ZNF536: variants seen among roughly 807,000 people sequenced by gnomAD.
ZNF536 encodes zinc finger protein 536.
In ZNF536, 13 loss-of-function variants were observed where a neutral mutation model predicts 84.5. The ratio of observed to expected loss-of-function variants is 0.15; its 90% CI spans 0.10 to 0.24. The LOEUF (loss-of-function observed/expected upper bound fraction) is 0.24, where lower values mean the gene tolerates loss of function less well. Ranked by LOEUF, ZNF536 falls within the 10% of genes least tolerant of loss-of-function variation. The probability of loss-of-function intolerance (pLI) is 1.00; values close to 1 mark genes in which losing one functional copy is unlikely to be tolerated. For missense variants in ZNF536, 1,536 were observed against 1,747.5 expected, an observed-to-expected ratio of 0.88 and a Z score of 2.16; for synonymous variants, 811 against 742.5, an observed-to-expected ratio of 1.09 and a Z score of -1.50.
chr19:30,662,522 A>G (rs916622613), intron 1 of ZNF536, among the ~76,000 whole-genome samples: 3 of 151,988 alleles, frequency 2.0e-5, no homozygotes, highest in African/African-American at 7.3e-5. Context: ...TGTGGACTGC[A>G]GTCTCTCCCG....
At chr19:30,254,947 T>A (rs1266979732) in intron 1 of ZNF536, among the ~76,000 whole-genome samples, 2 of 152,036 alleles carry the variant, frequency 1.3e-5, no homozygotes, top group African/African-American at 4.8e-5. Context: ...TACCTTGGAG[T>A]GGTTAGTGTT....
chr19:30,704,716 C>T (rs2052150651), intron 1 of ZNF536, among the ~76,000 whole-genome samples: 1 of 151,814 alleles, frequency 6.6e-6, no homozygotes, highest in East Asian at 1.9e-4. Flanking sequence ...GCCTTGTCAC[C>T]TCTGGGACTG....
rs183737549 is a variant in ZNF536 at position 30,690,739 on chromosome 19, G to A, written c.170-20018G>A. 1.8e-3 allele frequency among the ~76,000 whole-genome samples: 267 copies of A among 152,118 alleles called. 2 individuals carry two copies. The highest frequency in any genetic ancestry group is 6.1e-3 in the African/African-American group (252 of 41,504). ...ACTGTCTTTGCACCTCAGTTTTCCC[G>A]TCTGTAAAATGGAAGGATCGTAGTA... On this transcript the variant is annotated intron_variant, in intron 1 of 1. Transcript: ENST00000592773.
intron 1 of ZNF536, among the ~76,000 whole-genome samples, chr19:30,405,497 T>A (rs1044818865): frequency 2.6e-5 from 4 of 152,026 alleles, no homozygotes; most frequent in Non-Finnish European, 4.4e-5. Flanking sequence ...TAGGAAACCA[T>A]CTCCTAGCTC....
intron 1 of ZNF536, among the ~76,000 whole-genome samples, chr19:30,436,163 A>G (rs2051737640): frequency 6.6e-6 from 1 of 152,170 alleles, no homozygotes; most frequent in African/African-American, 2.4e-5. Flanking sequence ...TCCATCCCCA[A>G]GGGGACACTT....
chr19:30,273,639 C>T (rs866570845), intron 1 of ZNF536, among the ~76,000 whole-genome samples: 2 of 152,146 alleles, frequency 1.3e-5, no homozygotes, highest in African/African-American at 2.4e-5. Flanking sequence ...AGATACCAGT[C>T]CTTTATCAGA....
chr19:30,453,757 G>A (rs1028527601), intron 2 of ZNF536, among the ~76,000 whole-genome samples: 1 of 152,226 alleles, frequency 6.6e-6, no homozygotes, highest in African/African-American at 2.4e-5. Context: ...GGGCAAAACG[G>A]GGGCCATGCC....
intron 1 of ZNF536, among the ~76,000 whole-genome samples, chr19:30,265,719 A>G (rs547412153): frequency 1.3e-5 from 2 of 152,244 alleles, no homozygotes; most frequent in South Asian, 4.2e-4. Flanking sequence ...TCATGGTTCC[A>G]GCTGGTATCA....
Position 30,445,995 on chromosome 19 carries a change from C to T in ZNF536, c.2170+263C>T, listed in dbSNP as rs1303633946. Reference sequence around the variant, plus strand: ...GGGTGTGGTGGCTCACGCCTGTAATCCCAGCACTTTGGGCGCCCGAGGCCG... The same window carrying T: ...GGGTGTGGTGGCTCACGCCTGTAATTCCAGCACTTTGGGCGCCCGAGGCCG... On this transcript the variant is annotated intron_variant, in intron 2 of 4. Coordinates refer to ENST00000355537, the MANE Select transcript of ZNF536 (RefSeq NM_014717.3). The surrounding 1 kb of genome is among the most constrained non-coding windows in gnomAD (Gnocchi z 4.5). 6.6e-6 allele frequency among the ~76,000 whole-genome samples: 1 copy of T among 152,014 alleles called. No homozygotes were observed.
chr19:30,596,375 T>C (rs572840192), intron 1 of ZNF536, among the ~76,000 whole-genome samples: 8 of 152,356 alleles, frequency 5.3e-5, no homozygotes, highest in African/African-American at 1.9e-4. Context: ...ATCGTGGCTT[T>C]TAAAAACACA....
chr19:30,515,474 G>A (rs576503011), intron 2 of ZNF536, among the ~76,000 whole-genome samples: 7 of 152,132 alleles, frequency 4.6e-5, no homozygotes, highest in Admixed American at 1.3e-4. Flanking sequence ...CATGTGAAGC[G>A]CCTTCAGGAT....
chr19:30,597,049 C>G (rs1367689731), intron 1 of ZNF536, among the ~76,000 whole-genome samples: 2 of 152,102 alleles, frequency 1.3e-5, no homozygotes, highest in African/African-American at 2.4e-5. Flanking sequence ...GAGGAGGGAA[C>G]CTTTCAATTG....
intron 1 of ZNF536, among the ~76,000 whole-genome samples, chr19:30,626,702 C>A (rs542768027): frequency 8.5e-5 from 13 of 152,192 alleles, no homozygotes; most frequent in African/African-American, 2.9e-4. Flanking sequence ...AAGCTCTCCC[C>A]CAACGTGCAG....
At chr19:30,254,053 A>C (rs1270915997) in intron 1 of ZNF536, among the ~76,000 whole-genome samples, 1 of 152,152 alleles carries the variant, frequency 6.6e-6, no homozygotes, top group Non-Finnish European at 1.5e-5. Context: ...CCGTGTCACT[A>C]TTGCTGTATG....
At chr19:30,387,712 T>A (rs1202603556) in intron 1 of ZNF536, among the ~76,000 whole-genome samples, 4 of 152,176 alleles carry the variant, frequency 2.6e-5, no homozygotes, top group Non-Finnish European at 5.9e-5. Flanking sequence ...GCTGGAGGAA[T>A]ATGTGGTCCT....
intron 1 of ZNF536, among the ~76,000 whole-genome samples, chr19:30,621,135 G>A (rs2048467240): frequency 6.6e-6 from 1 of 151,956 alleles, no homozygotes; most frequent in African/African-American, 2.4e-5. Context: ...TTGAAGAACA[G>A]CATCTAACAT....
intron 2 of ZNF536, among the ~76,000 whole-genome samples, chr19:30,530,922 C>G (rs532760756): frequency 1.5e-3 from 230 of 152,330 alleles, no homozygotes; most frequent in African/African-American, 5.2e-3. Context: ...TCCTCACCAG[C>G]ACCCATCCTG....
chr19:30,383,864 TTCCTTCCTC>T (rs1312998172), intron 1 of ZNF536, among the ~76,000 whole-genome samples: 2 of 126,730 alleles, frequency 1.6e-5, no homozygotes, highest in Non-Finnish European at 3.3e-5. Context: ...CCTTCCTTCC[TTCCTTCCTC>T]CCCCCTCCCT....
chr19:30,227,642 C>T (rs954875712), upstream of ZNF536, among the ~76,000 whole-genome samples: 2 of 151,284 alleles, frequency 1.3e-5, no homozygotes, highest in African/African-American at 4.8e-5. Context: ...GGGTGGGAGC[C>T]GGCGGCCGGC....
Sources: allele counts gnomAD v4.1 joint callset (sites outside exome capture counted in the v4.1 genomes callset), GRCh38; gene constraint gnomAD v4.1.1; non-coding constraint Gnocchi (gnomAD v3.1); transcripts MANE v1.5; gene names NCBI Gene and HGNC (gene_info 2026-07-23, HGNC 2026-07-21).